The following CTNND1 variants were observed in gnomAD, a reference collection of about 807,000 sequenced individuals.
CTNND1 encodes catenin delta 1.
CTNND1 carries 16 observed loss-of-function variants against 112.1 expected under a neutral mutation model. The ratio of observed to expected loss-of-function variants is 0.14; its 90% confidence interval spans 0.10 to 0.22. The LOEUF (loss-of-function observed/expected upper bound fraction) is 0.22. Ranked by LOEUF, CTNND1 falls within the 10% of genes least tolerant of loss-of-function variation. The pLI, the probability that CTNND1 is intolerant of heterozygous loss-of-function variation, is 1.00. For missense variants in CTNND1, 1,008 were observed against 1,257.0 expected (o/e 0.80, Z 3.00); for synonymous variants, 420 against 446.5 (o/e 0.94, Z 0.75).
intron 3 of CTNND1, 78 bp downstream of exon 3, chr11:57,791,751 T>A (rs1380808419): frequency 7.0e-7 from 1 of 1,428,702 alleles, no homozygotes. Flanking sequence ...TTTGGGAAGC[T>A]ACTCTCCTTT....
At chr11:57,809,777 C>T (rs1397309423) in intron 15 of CTNND1, among the ~76,000 whole-genome samples, 1 of 152,124 alleles carries the variant, frequency 6.6e-6, no homozygotes, top group South Asian at 2.1e-4. Flanking sequence ...AGTGCAGTGG[C>T]GCAGTCTCTG....
intron 3 of CTNND1, among the ~76,000 whole-genome samples, chr11:57,792,319 T>C (rs545937456): frequency 6.6e-6 from 1 of 152,034 alleles, no homozygotes; most frequent in Admixed American, 6.5e-5. Context: ...CTTGGGAGAG[T>C]TGGTGTTAGA....
At chr11:57,805,560 T>A (rs1288889631) in intron 9 of CTNND1, among the ~76,000 whole-genome samples, 4 of 135,152 alleles carry the variant, frequency 3.0e-5, no homozygotes, top group South Asian at 2.4e-4. Flanking sequence ...CTTTTTTTTT[T>A]AAATCTGTCA....
intron 1 of CTNND1, among the ~76,000 whole-genome samples, chr11:57,768,502 T>A (rs1015839408): frequency 1.4e-5 from 2 of 146,422 alleles, no homozygotes; most frequent in African/African-American, 2.5e-5. Context: ...CACGCCATTC[T>A]CCTGCCTCAG....
At chr11:57,793,224 A>G (rs1041009420) in intron 3 of CTNND1, 1 of 152,188 alleles carries the variant, frequency 6.6e-6, no homozygotes. Flanking sequence ...GGATCTCACT[A>G]TTCTACTGGA....
At chr11:57,786,721 T>C (rs994809711) in intron 1 of CTNND1, among the ~76,000 whole-genome samples, 12 of 152,178 alleles carry the variant, frequency 7.9e-5, no homozygotes, top group Non-Finnish European at 1.3e-4. Context: ...TACTGTAGCC[T>C]GCCTAACAGC....
At position 57,811,450 on chromosome 11, in the gene CTNND1, A is replaced by G. The variant is rs770012838; in HGVS notation, c.2602A>G (p.Ser868Gly). 1.2e-6 allele frequency: 2 copies of G among 1,613,682 alleles called. No homozygotes were observed. Among genetic ancestry groups the G allele is most frequent in the Non-Finnish European group, 1.7e-6 (2 of 1,179,774 alleles). ...RSQSSHSYDD[S>G]TLPLIDRNQK... is the part of the protein sequence containing the mutation. ...CCAGAGCAGTCATTCATATGATGATAGTACTCTCCCTCTCATTGACCGGAA... is the reference window on the plus strand; with the variant it reads ...CCAGAGCAGTCATTCATATGATGATGGTACTCTCCCTCTCATTGACCGGAA... Residue 868 changes from serine to glycine, a missense_variant, in exon 17 of 21, where the codon AGT becomes GGT. This residue lies in a region of CTNND1 where 28 missense variants were observed against 60.6 expected (regional missense o/e 0.46). Transcript: ENST00000399050.
chr11:57,814,460 A>G, intron 18 of CTNND1, 87 bp downstream of exon 18: 2 of 950,734 alleles, frequency 2.1e-6, no homozygotes, highest in African/African-American at 3.3e-5. Flanking sequence ...TTTTTCTAAT[A>G]CCCTTACCAT....
chr11:57,794,883 C>CA (rs111312101), intron 4 of CTNND1, among the ~76,000 whole-genome samples: 9,278 of 84,436 alleles, frequency 0.11, 379 homozygotes, highest in Middle Eastern at 0.16. Flanking sequence ...AACTCCGTCT[C>CA]AAAAAAAAAA....
chr11:57,797,570 C>T (rs1208673475), intron 6 of CTNND1, among the ~76,000 whole-genome samples: 1 of 123,760 alleles, frequency 8.1e-6, no homozygotes, highest in Non-Finnish European at 1.7e-5. Flanking sequence ...GGGCCAGGCG[C>T]GGTGGCTCAC....
chr11:57,808,962 T>G (rs1320354797), intron 14 of CTNND1, among the ~76,000 whole-genome samples: 2 of 152,194 alleles, frequency 1.3e-5, no homozygotes, highest in Non-Finnish European at 2.9e-5. Flanking sequence ...ATAATAACTC[T>G]TCTATTAAAT....
chr11:57,798,567 G>A (rs1026565759), intron 6 of CTNND1, among the ~76,000 whole-genome samples: 2 of 152,128 alleles, frequency 1.3e-5, no homozygotes, highest in African/African-American at 2.4e-5. Context: ...ATCCTTGGGT[G>A]GGGGTCGGGG....
At chr11:57,816,266 A>G (rs767573073) in intron 20 of CTNND1, 31 bp from the exon 21 acceptor site, 1 of 1,613,486 alleles carries the variant, frequency 6.2e-7, no homozygotes, top group East Asian at 2.2e-5. Flanking sequence ...CAACCCCATT[A>G]ACATTCTCTC....
At chr11:57,783,959 C>G (rs1352789079) in intron 1 of CTNND1, among the ~76,000 whole-genome samples, 1 of 151,962 alleles carries the variant, frequency 6.6e-6, no homozygotes, top group Non-Finnish European at 1.5e-5. Context: ...GGGTCTTACT[C>G]TGTCGCCCAG....
chr11:57,812,379 G>A (rs1290757486), intron 17 of CTNND1, among the ~76,000 whole-genome samples: 1 of 152,114 alleles, frequency 6.6e-6, no homozygotes, highest in Non-Finnish European at 1.5e-5. Flanking sequence ...AATTAGCTGG[G>A]TGTGGTGGCA....
chr11:57,800,050 C>A (rs1370088882), intron 6 of CTNND1, among the ~76,000 whole-genome samples: 1 of 124,210 alleles, frequency 8.1e-6, no homozygotes, highest in Non-Finnish European at 1.6e-5. Context: ...AGCAGTGGTG[C>A]GATCTGGTAT....
At chr11:57,801,541 A>G (rs1208329107) in intron 6 of CTNND1, among the ~76,000 whole-genome samples, 192 bp from the exon 7 acceptor site, 1 of 152,222 alleles carries the variant, frequency 6.6e-6, no homozygotes, top group Non-Finnish European at 1.5e-5. Context: ...AGGTGTTTTT[A>G]AAATTATTAC....
intron 11 of CTNND1, 175 bp downstream of exon 11, chr11:57,806,653 T>C (rs2062706386): frequency 3.0e-6 from 2 of 660,790 alleles, no homozygotes; most frequent in Non-Finnish European, 5.3e-6. Context: ...GCATGCTGTT[T>C]CTGGGCAGCA....
rs1436604487 is a variant in CTNND1 at position 57,806,476 on chromosome 11, G to C, written c.1892G>C (p.Arg631Thr). Residue 631 changes from arginine (R) to threonine (T), a missense_variant and splice_region_variant, in exon 11 of 21, where the codon AGA becomes ACA. By Grantham distance (71) the Arg-to-Thr change is moderately conservative (BLOSUM62 -1). Around this residue, in one of 5 missense-constraint regions of CTNND1, gnomAD observed 254 missense variants for 279.5 expected, o/e 0.91. Coordinates refer to ENST00000399050, the MANE Select transcript of CTNND1 (RefSeq NM_001085458.2). ...GCACTGGAAGATGAGTGGTTCTCCA[G>C]AGGTGAGTGGAGTCTTTTAAGGTGC... is the stretch of plus-strand genomic sequence containing the variant. ...AKKGKDEWFS[R>T]GKKPIEDPAN... 6.2e-7 allele frequency: 1 copy of C among 1,602,436 alleles called. No individual in the cohort carries two copies. Among genetic ancestry groups the C allele is most frequent in the South Asian group, 1.1e-5 (1 of 88,730 alleles).
Sources: allele counts gnomAD v4.1 joint callset (sites outside exome capture counted in the v4.1 genomes callset), GRCh38; gene constraint gnomAD v4.1.1; regional missense constraint gnomAD v4.1.1; transcripts MANE v1.5; gene names NCBI Gene and HGNC (gene_info 2026-07-23, HGNC 2026-07-21).